MARCHF1: variants seen among roughly 807,000 people sequenced by gnomAD.
MARCHF1 encodes the protein membrane associated ring-CH-type finger 1.
Under a neutral mutation model 54.2 loss-of-function variants are expected in MARCHF1, and 40 were observed. The ratio of observed to expected loss-of-function variants is 0.74; its 90% CI spans 0.57 to 0.96. The LOEUF (loss-of-function observed/expected upper bound fraction) is 0.96, where lower values mean the gene tolerates loss of function less well. MARCHF1 is among the 40% of genes least tolerant of loss of function. MARCHF1 has a pLI of 0.00. For missense variants in MARCHF1, 586 were observed against 656.5 expected, an observed-to-expected ratio of 0.89 and a Z score of 1.17; for synonymous variants, 236 against 236.3, an observed-to-expected ratio of 1.00 and a Z score of 0.01.
chr4:163,901,104 CTGT>C lies in MARCHF1; in HGVS notation c.-38-46938_-38-46936del, dbSNP rs1252899710. 5.3e-5 allele frequency among the ~76,000 whole-genome samples: 8 copies of C among 152,256 alleles called. No homozygotes were observed. The South Asian group carries it at 1.7e-3, about 32-fold the overall frequency. ...ATTTATTGATTGTAAGTGATGCATA[CTGT>C]AGAAGCACTAGAGTAGTAAAGAGAC... On this transcript the variant is annotated intron_variant, in intron 3 of 9. Coordinates refer to ENST00000514618, the MANE Select transcript of MARCHF1 (RefSeq NM_001394959.1).
At chr4:164,319,262 G>A (rs1029674027) in intron 1 of MARCHF1, among the ~76,000 whole-genome samples, 4 of 152,058 alleles carry the variant, frequency 2.6e-5, no homozygotes, top group African/African-American at 7.2e-5. Context: ...ATCATTTAAT[G>A]TATACAGGAG....
At chr4:163,684,747 G>T (rs933327810) in intron 5 of MARCHF1, among the ~76,000 whole-genome samples, 2 of 151,954 alleles carry the variant, frequency 1.3e-5, no homozygotes, top group Non-Finnish European at 2.9e-5. Context: ...CCTATATATT[G>T]CTACCAATGA....
intron 4 of MARCHF1, among the ~76,000 whole-genome samples, chr4:163,819,786 C>A (rs1303801892): frequency 3.3e-5 from 5 of 152,088 alleles, no homozygotes; most frequent in Non-Finnish European, 7.4e-5. Flanking sequence ...TTTCTGTCAT[C>A]TCTTCTACTA....
chr4:164,260,376 G>T (rs973176168), intron 1 of MARCHF1, among the ~76,000 whole-genome samples: 2 of 152,066 alleles, frequency 1.3e-5, no homozygotes, highest in African/African-American at 4.8e-5. Flanking sequence ...ATCTGTCAAT[G>T]ACATGTCCTT....
chr4:163,761,449 A>T (rs1459401871), intron 4 of MARCHF1, among the ~76,000 whole-genome samples: 1 of 152,228 alleles, frequency 6.6e-6, no homozygotes, highest in African/African-American at 2.4e-5. Flanking sequence ...GGTGTCCTGT[A>T]GAAGCTGAGG....
intron 5 of MARCHF1, among the ~76,000 whole-genome samples, chr4:163,620,888 A>G (rs1268089170): frequency 3.9e-5 from 6 of 152,182 alleles, no homozygotes; most frequent in Non-Finnish European, 5.9e-5. Flanking sequence ...TAAAATCTCT[A>G]ATTTAATAAT....
intron 1 of MARCHF1, among the ~76,000 whole-genome samples, chr4:164,185,512 A>G (rs1287131548): frequency 2.6e-5 from 4 of 152,166 alleles, no homozygotes; most frequent in Non-Finnish European, 4.4e-5. Flanking sequence ...ATACTGCCAG[A>G]CAACATTAAG....
intron 8 of MARCHF1, among the ~76,000 whole-genome samples, chr4:163,575,967 C>G (rs1282832683): frequency 4.0e-5 from 6 of 151,692 alleles, no homozygotes; most frequent in Non-Finnish European, 7.4e-5. Flanking sequence ...GCCTATTGAC[C>G]TTGTTTTTCT....
At chr4:163,627,478 A>G (rs1175001878) in intron 5 of MARCHF1, among the ~76,000 whole-genome samples, 3 of 152,146 alleles carry the variant, frequency 2.0e-5, no homozygotes, top group Non-Finnish European at 4.4e-5. Flanking sequence ...AGTTTAGGGT[A>G]TACATTTGGA....
chr4:163,875,860 A>G (rs1277982172), intron 3 of MARCHF1, among the ~76,000 whole-genome samples: 1 of 152,144 alleles, frequency 6.6e-6, no homozygotes, highest in African/African-American at 2.4e-5. Context: ...TACCAAAGAG[A>G]GGCAATTTAG....
chr4:163,756,589 G>A (rs868436152), intron 4 of MARCHF1, among the ~76,000 whole-genome samples: 11 of 122,276 alleles, frequency 9.0e-5, no homozygotes, highest in Admixed American at 2.2e-4. Flanking sequence ...CCGAGATAGC[G>A]CCACTGTACT....
chr4:163,808,076 T>A (rs1002150739), intron 4 of MARCHF1, among the ~76,000 whole-genome samples: 1 of 152,208 alleles, frequency 6.6e-6, no homozygotes, highest in African/African-American at 2.4e-5. Context: ...TGTGCTATTT[T>A]GTGACACAAT....
At chr4:164,189,077 C>T (rs1209389689) in intron 1 of MARCHF1, 6 of 689,242 alleles carry the variant, frequency 8.7e-6, no homozygotes, top group Non-Finnish European at 1.6e-5. Context: ...AATGCGTCTC[C>T]TCTCACCATT....
At chr4:163,913,054 T>C (rs752427884) in intron 3 of MARCHF1, among the ~76,000 whole-genome samples, 1 of 152,240 alleles carries the variant, frequency 6.6e-6, no homozygotes, top group Non-Finnish European at 1.5e-5. Flanking sequence ...ACTCAACCTG[T>C]TGATAAACAG....
chr4:163,592,911 A>T lies in MARCHF1; in HGVS notation c.1011-6982T>A, dbSNP rs560213673. ...TCTATTGATGTGTGTAGCCCCTAGG[A>T]GTCCCAGTCAGTATATCTAGCAATC... is the stretch of plus-strand genomic sequence containing the variant. On this transcript the variant is annotated intron_variant, in intron 7 of 9. Transcript: ENST00000514618. 3.9e-5 allele frequency among the ~76,000 whole-genome samples: 6 copies of T among 152,184 alleles called. No individual in the cohort carries two copies. In the South Asian group the frequency reaches 1.2e-3, roughly 32 times the overall value.
chr4:164,037,554 G>C (rs1754031453), intron 2 of MARCHF1, among the ~76,000 whole-genome samples: 1 of 152,122 alleles, frequency 6.6e-6, no homozygotes, highest in Non-Finnish European at 1.5e-5. Context: ...AAATGAGGGA[G>C]ATGATCAAAT....
At chr4:164,259,559 A>AAAAAAAG (rs1310264929) in intron 1 of MARCHF1, among the ~76,000 whole-genome samples, 2 of 119,618 alleles carry the variant, frequency 1.7e-5, no homozygotes, top group East Asian at 2.0e-4. Flanking sequence ...AAAAAAAAAA[A>AAAAAAAG]AAAAAAGAAA....
chr4:164,350,899 G>T (rs1730290976), intron 1 of MARCHF1, among the ~76,000 whole-genome samples: 1 of 152,018 alleles, frequency 6.6e-6, no homozygotes, highest in Non-Finnish European at 1.5e-5. Flanking sequence ...CAGGCGAGTG[G>T]GTGCGTGCAC....
At chr4:164,370,849 A>G (rs1335473277) in intron 1 of MARCHF1, among the ~76,000 whole-genome samples, 4 of 152,110 alleles carry the variant, frequency 2.6e-5, no homozygotes, top group African/African-American at 9.7e-5. Context: ...CGGAGGTTGC[A>G]TTGAGCCGAG....
Sources: allele counts gnomAD v4.1 joint callset (sites outside exome capture counted in the v4.1 genomes callset), GRCh38; gene constraint gnomAD v4.1.1; transcripts MANE v1.5; gene names NCBI Gene and HGNC (gene_info 2026-07-23, HGNC 2026-07-21).